The following EPB41L4A variants were observed in gnomAD, a reference collection of about 807,000 sequenced individuals.
The protein encoded by EPB41L4A is erythrocyte membrane protein band 4.1 like 4A.
Under a neutral mutation model 108.6 loss-of-function variants are expected in EPB41L4A, and 100 were observed. The ratio of observed to expected loss-of-function variants is 0.92; its 90% CI spans 0.78 to 1.09. The LOEUF is 1.09. Ranked by LOEUF, EPB41L4A falls within the 50% of genes least tolerant of loss-of-function variation. The probability of loss-of-function intolerance (pLI) is 0.00; values close to 1 mark genes in which losing one functional copy is unlikely to be tolerated. For synonymous variants in EPB41L4A, 319 were observed against 289.0 expected, an observed-to-expected ratio of 1.10 and a Z score of -1.05; for missense variants, 1,030 against 842.7, an observed-to-expected ratio of 1.22 and a Z score of -2.75.
In EPB41L4A at chr5:112,239,734, C is replaced by T. The variant is rs1749637009; in HGVS notation, c.891G>A (p.Met297Ile). 1 of 1,604,202 alleles carries T rather than the reference C, an allele frequency of 6.2e-7. No homozygotes were observed. The highest frequency in any genetic ancestry group is 1.1e-5 in the South Asian group (1 of 89,916). The stretch of plus-strand genomic sequence containing the variant: ...ACAGTGAATTGGATTCATTTTCTGG[C>T]ATTCTAATCAATTTTTAAAAGAAAA... ...CSVEHHTFFR[M>I]PENESNSLSR... Residue 297 changes from methionine (M) to isoleucine (I), a missense_variant, in exon 11 of 23, where the codon ATG (methionine) becomes ATA (isoleucine). Met to Ile is a conservative substitution (Grantham distance 10). Transcript: ENST00000261486.
intron 13 of EPB41L4A, among the ~76,000 whole-genome samples, chr5:112,208,888 A>G (rs1054752696): frequency 1.3e-5 from 2 of 152,204 alleles, no homozygotes; most frequent in African/African-American, 2.4e-5. Flanking sequence ...CCACAGCTTG[A>G]GGGTGACTAA....
At chr5:112,383,750 A>G (rs1687841082) in intron 1 of EPB41L4A, among the ~76,000 whole-genome samples, 1 of 152,136 alleles carries the variant, frequency 6.6e-6, no homozygotes, top group South Asian at 2.1e-4. Flanking sequence ...GGGGTGGGGG[A>G]AAAGCTGAAA....
At chr5:112,194,667 C>T (rs768710550) in intron 16 of EPB41L4A, 22 bp from the exon 17 acceptor site, 1 of 1,558,068 alleles carries the variant, frequency 6.4e-7, no homozygotes, top group African/African-American at 1.4e-5. Flanking sequence ...AAGGTAAGAA[C>T]AAAAGAAAAA....
chr5:112,373,467 A>G (rs1759622591), intron 1 of EPB41L4A, among the ~76,000 whole-genome samples: 1 of 152,256 alleles, frequency 6.6e-6, no homozygotes, highest in African/African-American at 2.4e-5. Context: ...TGACAAAGGT[A>G]CAGAAACCAG....
At chr5:112,217,407 A>C (rs762840688) in intron 12 of EPB41L4A, among the ~76,000 whole-genome samples, 25 of 152,246 alleles carry the variant, frequency 1.6e-4, no homozygotes, top group Non-Finnish European at 2.8e-4. Context: ...TTCCTGCTTA[A>C]GAATTCCTGG....
chr5:112,233,079 C>G (rs1297705529), intron 12 of EPB41L4A, among the ~76,000 whole-genome samples: 1 of 151,898 alleles, frequency 6.6e-6, no homozygotes, highest in South Asian at 2.1e-4. Context: ...TATCCATCAA[C>G]AGTAGAATGA....
intron 2 of EPB41L4A, among the ~76,000 whole-genome samples, chr5:112,282,718 T>C (rs1002835611): frequency 6.6e-6 from 1 of 152,164 alleles, no homozygotes. Flanking sequence ...ACGCTACACT[T>C]ACACATGAAG....
chr5:112,159,533 G>C (rs1759772876), downstream of EPB41L4A, among the ~76,000 whole-genome samples: 1 of 152,156 alleles, frequency 6.6e-6, no homozygotes, highest in African/African-American at 2.4e-5. Flanking sequence ...ACCTTGCCCT[G>C]TGTGACAAGA....
intron 1 of EPB41L4A, among the ~76,000 whole-genome samples, chr5:112,368,191 A>G (rs1360827912): frequency 6.6e-6 from 1 of 152,228 alleles, no homozygotes; most frequent in Non-Finnish European, 1.5e-5. Context: ...GGGAAGTAAC[A>G]CTTGAAAACA....
At chr5:112,219,272 G>C (rs566649755) in intron 12 of EPB41L4A, among the ~76,000 whole-genome samples, 1 of 152,084 alleles carries the variant, frequency 6.6e-6, no homozygotes, top group African/African-American at 2.4e-5. Context: ...TGCTATTCTC[G>C]TGATAGTGAG....
intron 12 of EPB41L4A, chr5:112,228,732 G>A: frequency 1.0e-6 from 1 of 985,424 alleles, no homozygotes; most frequent in South Asian, 4.7e-5. Context: ...ACTTGTCAGA[G>A]AGAGGGTTGT....
intron 6 of EPB41L4A, chr5:112,263,676 C>G (rs1751647043): frequency 6.6e-6 from 1 of 152,192 alleles, no homozygotes; most frequent in Non-Finnish European, 1.5e-5. Flanking sequence ...GGTTGGAGAG[C>G]CTTCTAGTGC....
intron 1 of EPB41L4A, among the ~76,000 whole-genome samples, chr5:112,366,288 T>C (rs1419984078): frequency 6.9e-6 from 1 of 145,690 alleles, no homozygotes; most frequent in African/African-American, 2.5e-5. Context: ...TTGTCTCTAA[T>C]CATTTTTAGA....
chr5:112,178,035 C>A (rs1760957988), intron 18 of EPB41L4A, among the ~76,000 whole-genome samples: 1 of 147,034 alleles, frequency 6.8e-6, no homozygotes, highest in African/African-American at 2.6e-5. Context: ...GATTGTCAGG[C>A]TAGAATTAAA....
chr5:112,288,965 G>A (rs978154966), intron 2 of EPB41L4A, among the ~76,000 whole-genome samples: 10 of 151,974 alleles, frequency 6.6e-5, no homozygotes, highest in African/African-American at 2.4e-4. Flanking sequence ...AAGAATATTG[G>A]GAGGCCTTGG....
intron 1 of EPB41L4A, among the ~76,000 whole-genome samples, chr5:112,377,214 T>TTAA (rs1759876818): frequency 7.6e-6 from 1 of 131,858 alleles, no homozygotes; most frequent in African/African-American, 3.5e-5. Context: ...TCTGTTTGTT[T>TTAA]GAAAAAAAAA....
At chr5:112,221,720 T>G (rs1748064939) in intron 12 of EPB41L4A, among the ~76,000 whole-genome samples, 1 of 152,208 alleles carries the variant, frequency 6.6e-6, no homozygotes, top group South Asian at 2.1e-4. Context: ...TAAATTCTTG[T>G]TGAATAAGAA....
At chr5:112,327,167 G>A (rs1444925917) in intron 1 of EPB41L4A, among the ~76,000 whole-genome samples, 1 of 152,070 alleles carries the variant, frequency 6.6e-6, no homozygotes, top group Non-Finnish European at 1.5e-5. Flanking sequence ...CTAAGTGCAT[G>A]GTCTTTCCTG....
intron 1 of EPB41L4A, among the ~76,000 whole-genome samples, chr5:112,368,945 T>TTCTCATA: frequency 6.6e-6 from 1 of 152,166 alleles, no homozygotes; most frequent in Admixed American, 6.5e-5. Context: ...CCAGCCCCCG[T>TTCTCATA]TCTCATACTC....
Sources: gnomAD v4.1 joint callset for allele counts (sites outside exome capture counted in the v4.1 genomes callset) on GRCh38, gnomAD v4.1.1 for gene constraint, MANE v1.5 for transcripts, NCBI Gene and HGNC (gene_info 2026-07-23, HGNC 2026-07-21) for gene names.